The following L3MBTL4 variants were observed in gnomAD, a reference collection of about 807,000 sequenced individuals.
L3MBTL4 encodes the protein L3MBTL histone methyl-lysine binding protein 4.
Under a neutral mutation model 84.5 loss-of-function variants are expected in L3MBTL4, and 70 were observed. That is an observed-to-expected ratio of 0.83 (90% CI 0.68 to 1.01). L3MBTL4 has a LOEUF of 1.01. Among genes scored for constraint, L3MBTL4 ranks in the 50% least tolerant of loss-of-function variants. The probability of loss-of-function intolerance (pLI) is 0.00; values close to 1 mark genes in which losing one functional copy is unlikely to be tolerated. For synonymous variants in L3MBTL4, 274 were observed against 259.8 expected (o/e 1.05, Z -0.52); for missense variants, 715 against 754.8 (o/e 0.95, Z 0.62).
At chr18:6,162,591 T>C (rs2043396386) in intron 13 of L3MBTL4, among the ~76,000 whole-genome samples, 1 of 152,186 alleles carries the variant, frequency 6.6e-6, no homozygotes, top group South Asian at 2.1e-4. Flanking sequence ...TTGAATTATA[T>C]GAGTAAATAA....
chr18:6,166,905 A>G (rs949391267), intron 13 of L3MBTL4, among the ~76,000 whole-genome samples: 1 of 152,206 alleles, frequency 6.6e-6, no homozygotes, highest in Non-Finnish European at 1.5e-5. Context: ...TTTTGAAAAG[A>G]TCAACAAAAT....
At chr18:6,171,374 G>A (rs1455248) in intron 13 of L3MBTL4, among the ~76,000 whole-genome samples, 32 of 152,124 alleles carry the variant, frequency 2.1e-4, no homozygotes, top group African/African-American at 2.4e-4. Context: ...ATAAAGATGC[G>A]AGTAAAGTAG....
intron 15 of L3MBTL4, among the ~76,000 whole-genome samples, chr18:6,086,175 A>T (rs12458039): frequency 0.25 from 37,402 of 152,134 alleles, 5,165 homozygotes; most frequent in African/African-American, 0.37. Flanking sequence ...GTAAGAAATA[A>T]TTATTTTCAA....
At chr18:6,175,404 T>C (rs1201132146) in intron 12 of L3MBTL4, among the ~76,000 whole-genome samples, 1 of 152,148 alleles carries the variant, frequency 6.6e-6, no homozygotes, top group Non-Finnish European at 1.5e-5. Flanking sequence ...GAATACGCAC[T>C]TATAGATTTA....
intron 16 of L3MBTL4, among the ~76,000 whole-genome samples, chr18:6,023,769 G>A (rs2055374161): frequency 6.6e-6 from 1 of 152,156 alleles, no homozygotes; most frequent in African/African-American, 2.4e-5. Context: ...TCAGCCACGC[G>A]GGGAAGAGTA....
intron 16 of L3MBTL4, among the ~76,000 whole-genome samples, chr18:6,026,420 T>C (rs2055506975): frequency 6.6e-6 from 1 of 152,228 alleles, no homozygotes; most frequent in African/African-American, 2.4e-5. Context: ...TTGTAATGAC[T>C]TTAGCAAGAA....
intron 14 of L3MBTL4, among the ~76,000 whole-genome samples, chr18:6,125,340 G>A (rs1325197699): frequency 6.6e-6 from 1 of 152,136 alleles, no homozygotes; most frequent in Non-Finnish European, 1.5e-5. Flanking sequence ...ACTGCAAATA[G>A]GTTAAACTCT....
intron 14 of L3MBTL4, among the ~76,000 whole-genome samples, chr18:6,103,465 T>C (rs537638138): frequency 2.9e-4 from 44 of 152,332 alleles, no homozygotes; most frequent in Admixed American, 9.8e-4. Context: ...AAATGCATTG[T>C]TTTTAAACAA....
At chr18:6,354,583 G>A (rs1480143217) in intron 1 of L3MBTL4, among the ~76,000 whole-genome samples, 1 of 151,850 alleles carries the variant, frequency 6.6e-6, no homozygotes, top group African/African-American at 2.4e-5. Flanking sequence ...AACTCAATAA[G>A]AAAAAATCTA....
At chr18:6,188,503 A>G (rs1247779429) in intron 12 of L3MBTL4, among the ~76,000 whole-genome samples, 1 of 152,208 alleles carries the variant, frequency 6.6e-6, no homozygotes, top group Non-Finnish European at 1.5e-5. Context: ...GATACTAAGA[A>G]GTCTAAATGA....
chr18:6,303,358 T>A (rs532653619), intron 3 of L3MBTL4, among the ~76,000 whole-genome samples: 1 of 152,240 alleles, frequency 6.6e-6, no homozygotes, highest in East Asian at 1.9e-4. Context: ...TGACCTCAAG[T>A]GATCTGCCCA....
chr18:6,060,932 G>A (rs757453391), intron 16 of L3MBTL4, among the ~76,000 whole-genome samples: 4 of 152,042 alleles, frequency 2.6e-5, no homozygotes, highest in South Asian at 2.1e-4. Context: ...GGTTGCTTCC[G>A]GTTTTGACAA....
At position 6,046,796 on chromosome 18, in the gene L3MBTL4, A is replaced by T. The variant is rs759912138; in HGVS notation, c.1444+34085T>A. ...TTATGACATAAACACTTACCTCAAA[A>T]AGTTAGCAAGATCTCAAACTAACAA... On this transcript the variant is annotated intron_variant, in intron 16 of 18. Coordinates refer to ENST00000317931, the MANE Select transcript of L3MBTL4 (RefSeq NM_001330559.2). The T allele has an allele frequency of 3.9e-6, 3 of 760,166 alleles. No individual in the cohort carries two copies. In the South Asian group the frequency reaches 4.3e-5, roughly 11 times the overall value. 47.1% of individuals were successfully genotyped at this position (760,166 alleles called of 1,614,324 possible).
chr18:6,089,827 T>G (rs2058382786), intron 15 of L3MBTL4, among the ~76,000 whole-genome samples: 1 of 152,220 alleles, frequency 6.6e-6, no homozygotes, highest in African/African-American at 2.4e-5. Flanking sequence ...GCAATATGAT[T>G]GCTAATGTAC....
At chr18:6,022,970 A>G (rs1287994662) in intron 16 of L3MBTL4, among the ~76,000 whole-genome samples, 1 of 152,038 alleles carries the variant, frequency 6.6e-6, no homozygotes, top group African/African-American at 2.4e-5. Context: ...ACCTTGCGTA[A>G]ATTTCTTAAT....
chr18:6,221,087 T>A (rs971599723), intron 10 of L3MBTL4, among the ~76,000 whole-genome samples: 12 of 152,126 alleles, frequency 7.9e-5, no homozygotes, highest in Non-Finnish European at 1.6e-4. Context: ...GATTTTTTTT[T>A]AAAGGCACCC....
intron 12 of L3MBTL4, among the ~76,000 whole-genome samples, chr18:6,206,186 T>C (rs1337111988): frequency 1.3e-5 from 2 of 152,222 alleles, no homozygotes; most frequent in African/African-American, 4.8e-5. Context: ...CAAAGGTCCA[T>C]TAACCCTTGA....
chr18:6,178,384 T>A (rs1225073698), intron 12 of L3MBTL4, among the ~76,000 whole-genome samples: 1 of 152,194 alleles, frequency 6.6e-6, no homozygotes, highest in Non-Finnish European at 1.5e-5. Context: ...TTGGATCATA[T>A]CTTTGGATCT....
intron 16 of L3MBTL4, among the ~76,000 whole-genome samples, chr18:6,039,871 T>C (rs2056321818): frequency 6.6e-6 from 1 of 152,200 alleles, no homozygotes; most frequent in South Asian, 2.1e-4. Flanking sequence ...TAAAAGTATC[T>C]GAAAAATTAG....
Sources: gnomAD v4.1 joint callset for allele counts (sites outside exome capture counted in the v4.1 genomes callset) on GRCh38, gnomAD v4.1.1 for gene constraint, MANE v1.5 for transcripts, NCBI Gene and HGNC (gene_info 2026-07-23, HGNC 2026-07-21) for gene names.